Variants in PRAMEF4 observed in about 807,000 individuals in gnomAD.
PRAMEF4 encodes the protein PRAME family member 4, also known as RP5-845O24.6.
Under a neutral mutation model 34.4 loss-of-function variants are expected in PRAMEF4, and 18 were observed. The observed-to-expected ratio is 0.52, with a 90% CI of 0.36 to 0.78. The LOEUF (loss-of-function observed/expected upper bound fraction) is 0.78, where lower values mean the gene tolerates loss of function less well. Among genes scored for constraint, PRAMEF4 ranks in the 30% least tolerant of loss-of-function variants. The pLI, the probability that PRAMEF4 is intolerant of heterozygous loss-of-function variation, is 0.00. For missense variants in PRAMEF4, 482 were observed against 569.1 expected (o/e 0.85, Z 1.56); for synonymous variants, 156 against 219.3 (o/e 0.71, Z 2.55).
In PRAMEF4 at chr1:12,881,787, G is replaced by A. The variant is rs909629219; in HGVS notation, c.875+67C>T. 147 of 1,595,588 alleles carry A rather than the reference G, an allele frequency of 9.2e-5. 4 individuals carry two copies. The Middle Eastern group carries it at 1.4e-3, about 15-fold the overall frequency. On this transcript the variant is annotated intron_variant, in intron 3 of 3. Coordinates refer to ENST00000235349, the MANE Select transcript of PRAMEF4 (RefSeq NM_001009611.4). ...CCTCATAGGCTGGCTCACAGTAGAT[G>A]CCCACTAGTGTTTACTGTAACAGGC... is the stretch of plus-strand genomic sequence containing the variant.
rs72644600 is a variant in PRAMEF4 at position 12,881,000 on chromosome 1, A to T, written c.875+854T>A. On this transcript the variant is annotated intron_variant, in intron 3 of 3. Transcript: ENST00000235349. ...TGGGGCACAAAGCTGATTTTCTGAC[A>T]AGTGCAGGTTTGCTGAACATTCCCC... is the stretch of plus-strand genomic sequence containing the variant. Among the ~76,000 whole-genome samples, 1,412 of 147,530 alleles carry T rather than the reference A, an allele frequency of 9.6e-3. 91 individuals are homozygous for T. The highest frequency in any genetic ancestry group is 0.033 in the South Asian group (154 of 4,646).
chr1:12,884,551 C>A (rs1266124874), intron 1 of PRAMEF4, among the ~76,000 whole-genome samples: 1 of 146,712 alleles, frequency 6.8e-6, no homozygotes, highest in Non-Finnish European at 1.5e-5. Flanking sequence ...CCTGACTCTA[C>A]TAAGACAGCA....
intron 1 of PRAMEF4, among the ~76,000 whole-genome samples, chr1:12,883,803 T>C (rs1409833779): frequency 1.4e-5 from 2 of 147,216 alleles, no homozygotes; most frequent in Non-Finnish European, 3.0e-5. Flanking sequence ...AATAAGCTTG[T>C]TGGGAACATT....
chr1:12,881,963 T>C lies in PRAMEF4; in HGVS notation c.766A>G (p.Lys256Glu). 4.4e-6 allele frequency: 7 copies of C among 1,588,478 alleles called. 1 individual carries two copies. Among genetic ancestry groups the C allele is most frequent in the Non-Finnish European group, 6.0e-6 (7 of 1,174,102 alleles). Residue 256 changes from lysine to glutamate, a missense_variant, in exon 3 of 4, where the codon AAG (lysine) becomes GAG (glutamate). Around this residue, in one of 6 missense-constraint regions of PRAMEF4, gnomAD observed 81 missense variants for 73.1 expected, o/e 1.11. Transcript: ENST00000235349. The part of the protein sequence containing the change: ...VSRYVSPEQK[K>E]EIVTQFTTQF... ...GTGGTGAACTGGGTAACAATCTCCTTCTTCTGCTCTGGGGAAACGTAGCGA... is the reference window on the plus strand; with the variant it reads ...GTGGTGAACTGGGTAACAATCTCCTCCTTCTGCTCTGGGGAAACGTAGCGA...
chr1:12,883,541 T>C, intron 1 of PRAMEF4, 131 bp from the exon 2 acceptor site: 4 of 1,231,654 alleles, frequency 3.2e-6, no homozygotes, highest in Non-Finnish European at 4.5e-6. Flanking sequence ...AATTCTACTC[T>C]GTACTCAGTG....
At chr1:12,881,441 G>A (rs1640885558) in intron 3 of PRAMEF4, among the ~76,000 whole-genome samples, 1 of 149,258 alleles carries the variant, frequency 6.7e-6, no homozygotes, top group Non-Finnish European at 1.5e-5. Context: ...ATGTTAGCCA[G>A]ACTGGTCTTA....
intron 1 of PRAMEF4, among the ~76,000 whole-genome samples, chr1:12,884,086 G>A (rs1341351667): frequency 6.8e-6 from 1 of 146,224 alleles, no homozygotes; most frequent in Non-Finnish European, 1.5e-5. Context: ...TCAGCTCAGT[G>A]CAGCCTTGAC....
At chr1:12,880,266 C>T (rs1365978936) in intron 3 of PRAMEF4, among the ~76,000 whole-genome samples, 161 bp from the exon 4 acceptor site, 54 of 151,508 alleles carry the variant, frequency 3.6e-4, no homozygotes, top group South Asian at 2.5e-3. Context: ...TGATGAAGAG[C>T]TTTGCCACCG....
Position 12,882,004 on chromosome 1 carries a change from G to T in PRAMEF4, c.725C>A (p.Ser242Tyr). The change falls in exon 3 of 4, where the codon TCC (serine) becomes TAC (tyrosine). Residue 242 changes from serine (S) to tyrosine (Y), a missense_variant. Coordinates refer to ENST00000235349, the MANE Select transcript of PRAMEF4 (RefSeq NM_001009611.4). ...HMRNLQKLILSHMDVSRYVSP... is the reference protein window; with the variant it reads ...HMRNLQKLILYHMDVSRYVSP... ...AACGTAGCGAGAGACATCCATGTGG[G>T]AGAGAATGAGTTTCTGAAGATTCCT... The T allele has an allele frequency of 1.9e-6, 3 of 1,590,750 alleles. No homozygotes were observed. Among genetic ancestry groups the T allele is most frequent in the Non-Finnish European group, 2.6e-6 (3 of 1,173,404 alleles).
Position 12,882,639 on chromosome 1 carries a change from A to G in PRAMEF4, c.294-204T>C, listed in dbSNP as rs2995615. 5.6e-4 allele frequency among the ~76,000 whole-genome samples: 83 copies of G among 147,028 alleles called. 3 individuals carry two copies. Among genetic ancestry groups the G allele is most frequent in the Non-Finnish European group, 6.1e-4 (41 of 66,882 alleles). On this transcript the variant is annotated intron_variant, in intron 2 of 3. Transcript: ENST00000235349. ...CAAGTCTCCCTGTGTCGCCCAGGCT[A>G]GAGTGCAGTGGTGTGATGTCACCTC...
intron 2 of PRAMEF4, 74 bp downstream of exon 2, chr1:12,883,028 C>G: frequency 1.3e-6 from 2 of 1,574,938 alleles, no homozygotes; most frequent in Non-Finnish European, 1.7e-6. Context: ...TGGGCCTCCT[C>G]ACTTCTCACG....
chr1:12,885,208 T>G (rs1439948889), intron 1 of PRAMEF4, among the ~76,000 whole-genome samples: 1 of 150,226 alleles, frequency 6.7e-6, no homozygotes, highest in Non-Finnish European at 1.5e-5. Flanking sequence ...TGGCTCACTG[T>G]TACCTCCGCC....
intron 1 of PRAMEF4, among the ~76,000 whole-genome samples, chr1:12,884,715 A>G (rs1640961975): frequency 6.7e-6 from 1 of 148,552 alleles, no homozygotes; most frequent in Non-Finnish European, 1.5e-5. Flanking sequence ...TTGAACAGAG[A>G]GACAGAGAGA....
chr1:12,885,350 T>C (rs1364613511), intron 1 of PRAMEF4, among the ~76,000 whole-genome samples: 1 of 149,910 alleles, frequency 6.7e-6, no homozygotes, highest in Non-Finnish European at 1.5e-5. Flanking sequence ...CAAAGATCCT[T>C]TTTGATTGAT....
rs4345814 is a variant in PRAMEF4, at chr1:12,882,892, C to A, written c.293+210G>T. Reference sequence around the variant, plus strand: ...GGCCCAGTTCTCACTTTTCATGGTGCCTTTCAGTGCCATTAGAGGAGAGGT... The same window carrying A: ...GGCCCAGTTCTCACTTTTCATGGTGACTTTCAGTGCCATTAGAGGAGAGGT... On this transcript the variant is annotated intron_variant, in intron 2 of 3. Coordinates refer to ENST00000235349, the MANE Select transcript of PRAMEF4 (RefSeq NM_001009611.4). Among the ~76,000 whole-genome samples the A allele has an allele frequency of 1.4e-5, 2 of 146,594 alleles. 1 individual carries two copies. The highest frequency in any genetic ancestry group is 1.4e-4 in the Admixed American group (2 of 14,248).
In PRAMEF4 at chr1:12,879,801, T is replaced by C; in HGVS notation, c.1180A>G (p.Met394Val). 2 of 1,600,114 alleles carry C rather than the reference T, an allele frequency of 1.2e-6. No homozygotes were observed. The highest frequency in any genetic ancestry group is 2.2e-5 in the East Asian group (1 of 44,562). ...TFSFCGNPIC[M>V]ATLENLLSHT... ...CTCAGCAGGTTCTCCAGGGTGGCCA[T>C]GCAGATGGGATTTCCACAGAAGCTG... The change falls in exon 4 of 4, where the codon ATG (methionine) becomes GTG (valine). Residue 394 changes from methionine (M) to valine (V), a missense_variant. Around this residue, in one of 6 missense-constraint regions of PRAMEF4, gnomAD observed 116 missense variants for 105.2 expected, o/e 1.10. Transcript: ENST00000235349.
chr1:12,884,297 G>A (rs1444491771), intron 1 of PRAMEF4, among the ~76,000 whole-genome samples: 1 of 149,074 alleles, frequency 6.7e-6, no homozygotes, highest in African/African-American at 2.5e-5. Context: ...GATTATAGGT[G>A]TGAGCCTCCA....
rs2100422189 is a variant in PRAMEF4, at chr1:12,882,025, T to A, written c.704A>T (p.Asn235Ile). 1 of 1,591,064 alleles carries A rather than the reference T, an allele frequency of 6.3e-7. No homozygotes were observed. Among genetic ancestry groups the A allele is most frequent in the African/African-American group, 1.4e-5 (1 of 71,702 alleles). ...GTGGGAGAGAATGAGTTTCTGAAGA[T>A]TCCTCATGTGGCCCAGGTATGGGGT... ...QFTPYLGHMR[N>I]LQKLILSHMD... is the part of the protein sequence containing the mutation. The change falls in exon 3 of 4, where the codon AAT becomes ATT. Residue 235 changes from asparagine to isoleucine, a missense_variant. By Grantham distance (149) the Asn-to-Ile change is moderately radical. Coordinates refer to ENST00000235349, the MANE Select transcript of PRAMEF4 (RefSeq NM_001009611.4).
chr1:12,882,801 G>A (rs1346674345), intron 2 of PRAMEF4, among the ~76,000 whole-genome samples: 2 of 147,748 alleles, frequency 1.4e-5, no homozygotes, highest in African/African-American at 5.1e-5. Context: ...TGTTGGACAG[G>A]CTGGCCTCCA....
Sources: gnomAD v4.1 joint callset for allele counts (sites outside exome capture counted in the v4.1 genomes callset) on GRCh38, gnomAD v4.1.1 for gene constraint, gnomAD v4.1.1 regional missense constraint, MANE v1.5 for transcripts, NCBI Gene and HGNC (gene_info 2026-07-23, HGNC 2026-07-21) for gene names.